UACA: variants seen among roughly 807,000 people sequenced by gnomAD.
The protein encoded by UACA is uveal autoantigen with coiled-coil domains and ankyrin repeats.
A neutral mutation model predicts 160.5 loss-of-function variants in UACA; 112 were observed. The observed-to-expected ratio is 0.70, with a 90% confidence interval of 0.60 to 0.82. The LOEUF is 0.82. UACA is among the 40% of genes least tolerant of loss of function. The probability of loss-of-function intolerance (pLI) is 0.00; values close to 1 mark genes in which losing one functional copy is unlikely to be tolerated. For missense variants in UACA, 1,574 were observed against 1,614.6 expected (o/e 0.97, Z 0.43); for synonymous variants, 557 against 568.4 (o/e 0.98, Z 0.29).
chr15:70,745,292 G>A (rs952300916), intron 1 of UACA, among the ~76,000 whole-genome samples: 11 of 151,822 alleles, frequency 7.2e-5, no homozygotes, highest in South Asian at 2.1e-4. Flanking sequence ...AAAATTAGCC[G>A]GGCGTGGTGG....
chr15:70,759,563 G>A (rs190141441), intron 1 of UACA, among the ~76,000 whole-genome samples: 1 of 152,312 alleles, frequency 6.6e-6, no homozygotes, highest in Non-Finnish European at 1.5e-5. Context: ...GCTGAGGCAG[G>A]AGAATTGCTT....
chr15:70,691,163 A>G, intron 4 of UACA, 136 bp downstream of exon 4: 1 of 559,912 alleles, frequency 1.8e-6, no homozygotes. Flanking sequence ...TTCACAAATG[A>G]TGGAAAAAAT....
intron 18 of UACA, among the ~76,000 whole-genome samples, chr15:70,659,372 T>TTTCCCTTC (rs973739925): frequency 2.1e-5 from 3 of 143,636 alleles, no homozygotes; most frequent in African/African-American, 7.6e-5. Flanking sequence ...AACATCCATC[T>TTTCCCTTC]TTCCCTTCTT....
intron 7 of UACA, among the ~76,000 whole-genome samples, chr15:70,686,932 G>C (rs1424444562): frequency 6.6e-6 from 1 of 152,120 alleles, no homozygotes; most frequent in Non-Finnish European, 1.5e-5. Flanking sequence ...GAGATAGGGA[G>C]AATTCTGGAT....
chr15:70,775,622 T>C, the UACA span, among the ~76,000 whole-genome samples: 1 of 152,226 alleles, frequency 6.6e-6, no homozygotes, highest in Non-Finnish European at 1.5e-5. Flanking sequence ...TGCTTGTGTT[T>C]TCTCTCTTTT....
chr15:70,738,552 G>C (rs1439453313), intron 1 of UACA, among the ~76,000 whole-genome samples: 2 of 152,052 alleles, frequency 1.3e-5, no homozygotes, highest in Admixed American at 6.6e-5. Context: ...AGACCCCTAA[G>C]AGATCACTGA....
At chr15:70,775,202 GT>G in the UACA span, among the ~76,000 whole-genome samples, 2 of 152,168 alleles carry the variant, frequency 1.3e-5, no homozygotes, top group Admixed American at 6.5e-5. Context: ...TTAGACAGCT[GT>G]TTTTTTATAG....
At chr15:70,685,516 A>G (rs1251372911) in intron 7 of UACA, among the ~76,000 whole-genome samples, 2 of 152,186 alleles carry the variant, frequency 1.3e-5, no homozygotes, top group Non-Finnish European at 2.9e-5. Context: ...AGGCATTAAC[A>G]AAGTTTTTGT....
At chr15:70,673,392 C>G (rs1897202766) in intron 13 of UACA, among the ~76,000 whole-genome samples, 1 of 152,218 alleles carries the variant, frequency 6.6e-6, no homozygotes, top group Non-Finnish European at 1.5e-5. Context: ...ATACCAAACT[C>G]TGAAGTAGTT....
intron 1 of UACA, among the ~76,000 whole-genome samples, chr15:70,704,468 C>T (rs1898468618): frequency 6.6e-6 from 1 of 152,312 alleles, no homozygotes; most frequent in East Asian, 1.9e-4. Context: ...TCTTTCTTTA[C>T]CAGCCTACAA....
intron 1 of UACA, among the ~76,000 whole-genome samples, chr15:70,738,370 C>A (rs1470359362): frequency 6.6e-6 from 1 of 151,900 alleles, no homozygotes. Context: ...TGTTTTAAAA[C>A]CCTCCAGTAG....
intron 1 of UACA, among the ~76,000 whole-genome samples, chr15:70,755,073 G>C (rs2030338138): frequency 6.6e-6 from 1 of 152,130 alleles, no homozygotes; most frequent in Admixed American, 6.5e-5. Flanking sequence ...TTGCAAAACT[G>C]TAACAGGACA....
At chr15:70,770,519 T>C in the UACA span, among the ~76,000 whole-genome samples, 1 of 152,354 alleles carries the variant, frequency 6.6e-6, no homozygotes, top group South Asian at 2.1e-4. Flanking sequence ...GTTTTAAGAA[T>C]GTTGTTGCCA....
the UACA span, among the ~76,000 whole-genome samples, chr15:70,769,294 A>G: frequency 7.1e-6 from 1 of 141,124 alleles, no homozygotes; most frequent in Non-Finnish European, 1.5e-5. Context: ...AGCCGAGATG[A>G]CACCACTGCA....
rs1371591644 is a variant in UACA, at chr15:70,668,043, TGTTA to T, written c.2637_2640del (p.Asn880GlufsTer4). The T allele has an allele frequency of 1.2e-6, 2 of 1,612,390 alleles. No individual in the cohort carries two copies. The highest frequency in any genetic ancestry group is 2.2e-5 in the South Asian group (2 of 90,586). On this transcript the variant is annotated frameshift_variant, in exon 16 of 19. Transcript: ENST00000322954. LOFTEE classifies it high-confidence loss of function. ...TTTTTCTTCACATCTAATAATTCTC[TGTTA>T]GTTTTGGCTAACGTGTCATTCAGTG...
At chr15:70,776,105 T>C in the UACA span, among the ~76,000 whole-genome samples, 1 of 152,200 alleles carries the variant, frequency 6.6e-6, no homozygotes, top group Non-Finnish European at 1.5e-5. Flanking sequence ...TGGTGTTATA[T>C]GAACACTGCA....
intron 1 of UACA, among the ~76,000 whole-genome samples, chr15:70,736,660 C>G (rs750921361): frequency 6.6e-6 from 1 of 152,060 alleles, no homozygotes; most frequent in East Asian, 1.9e-4. Flanking sequence ...AGGCTGGTCT[C>G]GAACTCCTGA....
chr15:70,722,236 GA>G (rs1168847214), intron 1 of UACA, among the ~76,000 whole-genome samples: 1 of 151,136 alleles, frequency 6.6e-6, no homozygotes, highest in Non-Finnish European at 1.5e-5. Flanking sequence ...ACATATAGTA[GA>G]AAAATAATAC....
At chr15:70,719,136 CAGAAG>C (rs111651491) in intron 1 of UACA, among the ~76,000 whole-genome samples, 2,305 of 151,406 alleles carry the variant, frequency 0.015, 48 homozygotes, top group African/African-American at 0.05. Context: ...GAGAAGAGAA[CAGAAG>C]AGAAGAGAAG....
Sources: allele counts gnomAD v4.1 joint callset (sites outside exome capture counted in the v4.1 genomes callset), GRCh38; gene constraint gnomAD v4.1.1; transcripts MANE v1.5; gene names NCBI Gene and HGNC (gene_info 2026-07-23, HGNC 2026-07-21).